HMCN1: variants seen among roughly 807,000 people sequenced by gnomAD.
The protein encoded by HMCN1 is hemicentin-1.
HMCN1 carries 321 observed loss-of-function variants against 625.9 expected under a neutral mutation model. The observed-to-expected ratio is 0.51, with a 90% confidence interval of 0.47 to 0.56. HMCN1 has a LOEUF of 0.56. Among genes scored for constraint, HMCN1 ranks in the 20% least tolerant of loss-of-function variants. HMCN1 has a pLI of 0.00. For missense variants in HMCN1, 6,588 were observed against 6,887.3 expected (o/e 0.96, Z 1.54); for synonymous variants, 2,425 against 2,417.6 (o/e 1.00, Z -0.09).
chr1:185,969,420 G>A (rs1650643793), intron 14 of HMCN1, among the ~76,000 whole-genome samples: 1 of 152,118 alleles, frequency 6.6e-6, no homozygotes, highest in Admixed American at 6.6e-5. Context: ...AGCAGAAAGA[G>A]AATTGTCCAT....
intron 11 of HMCN1, among the ~76,000 whole-genome samples, chr1:185,937,372 C>A (rs1043301883): frequency 6.6e-6 from 1 of 152,044 alleles, no homozygotes; most frequent in Non-Finnish European, 1.5e-5. Context: ...TGGTGGAAGG[C>A]AGAAAGACAA....
intron 9 of HMCN1, among the ~76,000 whole-genome samples, chr1:185,926,028 G>A (rs1667259049): frequency 6.6e-6 from 1 of 152,196 alleles, no homozygotes; most frequent in Non-Finnish European, 1.5e-5. Context: ...ACTTTTCCTT[G>A]TGAAGTTGGG....
intron 1 of HMCN1, among the ~76,000 whole-genome samples, chr1:185,831,603 T>C (rs1246786652): frequency 1.3e-5 from 2 of 152,152 alleles, no homozygotes; most frequent in Non-Finnish European, 2.9e-5. Context: ...TTTCTATGAT[T>C]GTGTATCTGA....
chr1:186,124,380 A>G (rs1661545500), intron 81 of HMCN1, among the ~76,000 whole-genome samples: 1 of 152,106 alleles, frequency 6.6e-6, no homozygotes, highest in Non-Finnish European at 1.5e-5. Context: ...AAATCAATAT[A>G]AAGTCATAGC....
chr1:186,149,496 C>G (rs1025421393), intron 93 of HMCN1, among the ~76,000 whole-genome samples: 1 of 152,204 alleles, frequency 6.6e-6, no homozygotes, highest in African/African-American at 2.4e-5. Flanking sequence ...CTTAAGGGAA[C>G]ATTGTGGCTG....
intron 22 of HMCN1, among the ~76,000 whole-genome samples, chr1:185,991,388 G>A (rs1468572812): frequency 1.3e-5 from 2 of 152,014 alleles, no homozygotes; most frequent in African/African-American, 4.8e-5. Context: ...AAGTTTTATT[G>A]TTCCCTTCCA....
intron 12 of HMCN1, among the ~76,000 whole-genome samples, chr1:185,962,979 A>T (rs948262219): frequency 3.9e-5 from 6 of 152,206 alleles, no homozygotes; most frequent in Admixed American, 2.0e-4. Flanking sequence ...GTAAAATAAC[A>T]TAGAATTTCA....
At chr1:186,064,572 G>A (rs187892774) in intron 48 of HMCN1, among the ~76,000 whole-genome samples, 18 of 152,142 alleles carry the variant, frequency 1.2e-4, no homozygotes, top group Admixed American at 1.2e-3. Context: ...CACTTTGGGA[G>A]GCCGAGGCAG....
chr1:185,893,811 G>T (rs1041871165), intron 4 of HMCN1, among the ~76,000 whole-genome samples: 1 of 152,058 alleles, frequency 6.6e-6, no homozygotes, highest in Non-Finnish European at 1.5e-5. Context: ...ATACAGAAAA[G>T]TGCACATAAG....
chr1:185,838,761 A>G (rs1571427107), intron 1 of HMCN1, among the ~76,000 whole-genome samples: 1 of 152,336 alleles, frequency 6.6e-6, no homozygotes, highest in East Asian at 1.9e-4. Flanking sequence ...TTAAATTTGT[A>G]AGACACACCC....
At chr1:186,168,741 G>A (rs1374721895) in intron 100 of HMCN1, among the ~76,000 whole-genome samples, 2 of 152,068 alleles carry the variant, frequency 1.3e-5, no homozygotes, top group African/African-American at 4.8e-5. Context: ...AGGTTTATTG[G>A]AAAGAAGACT....
chr1:186,104,285 A>G (rs1343516213), intron 69 of HMCN1, among the ~76,000 whole-genome samples: 1 of 152,164 alleles, frequency 6.6e-6, no homozygotes, highest in Non-Finnish European at 1.5e-5. Context: ...GGATAAAAGT[A>G]ATAATCATGC....
At chr1:185,880,290 A>T (rs1340175607) in intron 4 of HMCN1, among the ~76,000 whole-genome samples, 1 of 152,236 alleles carries the variant, frequency 6.6e-6, no homozygotes, top group Non-Finnish European at 1.5e-5. Context: ...AAAAAAGCAT[A>T]GAACATAAAG....
At chr1:185,976,991 A>C (rs1184991606) in intron 15 of HMCN1, among the ~76,000 whole-genome samples, 2 of 151,984 alleles carry the variant, frequency 1.3e-5, no homozygotes, top group Non-Finnish European at 2.9e-5. Flanking sequence ...ACTTGCTGAC[A>C]GTATCCTCCC....
Position 185,990,301 on chromosome 1 carries a change from C to T in HMCN1, c.3235C>T (p.Arg1079Ter), listed in dbSNP as rs768343794. The change falls in exon 22 of 107, where the codon CGA becomes TGA. Residue 1079 changes from arginine (R) to a stop codon, truncating the protein, a stop_gained. Transcript: ENST00000271588. LOFTEE classifies it high-confidence loss of function. ...YVRPRVFGDQ[R>*]GLSQDKPVEI... ...AAGGCCCAGAGTGTTTGGAGATCAA[C>T]GAGGACTGTCCCAGGATAAGCCTGT... The T allele has an allele frequency of 3.7e-6, 6 of 1,613,946 alleles. No homozygotes were observed. Among genetic ancestry groups the T allele is most frequent in the Non-Finnish European group, 5.1e-6 (6 of 1,179,842 alleles).
intron 3 of HMCN1, among the ~76,000 whole-genome samples, 159 bp from the exon 4 acceptor site, chr1:185,865,582 T>TACACAC (rs56891910): frequency 2.9e-3 from 392 of 135,260 alleles, no homozygotes; most frequent in Admixed American, 4.3e-3. Context: ...TATATAAGCA[T>TACACAC]ACACACACAC....
chr1:186,025,330 A>G (rs971835042), intron 36 of HMCN1, among the ~76,000 whole-genome samples: 1 of 152,188 alleles, frequency 6.6e-6, no homozygotes, highest in Admixed American at 6.5e-5. Context: ...AATAAAGAAT[A>G]GAGTGTATGT....
At chr1:185,903,267 GGT>G (rs1347819784) in intron 4 of HMCN1, among the ~76,000 whole-genome samples, 2 of 151,608 alleles carry the variant, frequency 1.3e-5, no homozygotes, top group Non-Finnish European at 3.0e-5. Flanking sequence ...TCATGTAGAA[GGT>G]GTGGAAGTTT....
At chr1:185,778,407 T>C (rs1434338267) in intron 1 of HMCN1, among the ~76,000 whole-genome samples, 3 of 151,912 alleles carry the variant, frequency 2.0e-5, no homozygotes, top group Admixed American at 2.0e-4. Context: ...GCAGGTTTGT[T>C]ACATATGTAT....
Sources: allele counts gnomAD v4.1 joint callset (sites outside exome capture counted in the v4.1 genomes callset), GRCh38; gene constraint gnomAD v4.1.1; transcripts MANE v1.5; gene names NCBI Gene and HGNC (gene_info 2026-07-23, HGNC 2026-07-21).